The following CSMD1 variants were observed in gnomAD, a reference collection of about 807,000 sequenced individuals.
The protein encoded by CSMD1 is CUB and Sushi multiple domains 1, also known as CUB and sushi domain-containing protein 1.
CSMD1 carries 213 observed loss-of-function variants against 417.5 expected under a neutral mutation model. That is an observed-to-expected ratio of 0.51 (90% confidence interval 0.46 to 0.57). The LOEUF (loss-of-function observed/expected upper bound fraction) is 0.57, where lower values mean the gene tolerates loss of function less well. CSMD1 is among the 20% of genes least tolerant of loss of function. The probability of loss-of-function intolerance (pLI) is 0.00; values close to 1 mark genes in which losing one functional copy is unlikely to be tolerated. For synonymous variants in CSMD1, 2,862 were observed against 1,736.8 expected, an observed-to-expected ratio of 1.65 and a Z score of -16.11; for missense variants, 6,923 against 4,529.7, an observed-to-expected ratio of 1.53 and a Z score of -15.17.
intron 10 of CSMD1, among the ~76,000 whole-genome samples, chr8:3,511,240 G>T (rs889544494): frequency 6.6e-6 from 1 of 151,656 alleles, no homozygotes; most frequent in African/African-American, 2.4e-5. Flanking sequence ...GGGGGTGAGA[G>T]GCTAGGGAAT....
intron 18 of CSMD1, chr8:3,373,625 G>A (rs932108294): frequency 2.0e-5 from 3 of 152,146 alleles, no homozygotes; most frequent in African/African-American, 7.2e-5. Flanking sequence ...GTATTCATAT[G>A]TAGACATGTC....
intron 6 of CSMD1, among the ~76,000 whole-genome samples, chr8:3,750,019 C>A (rs536834392): frequency 5.9e-5 from 9 of 152,046 alleles, no homozygotes; most frequent in African/African-American, 2.2e-4. Context: ...ACCAATAGTG[C>A]AAAAAATATA....
At chr8:4,881,215 G>A (rs7010542) in intron 1 of CSMD1, among the ~76,000 whole-genome samples, 16 of 152,048 alleles carry the variant, frequency 1.1e-4, no homozygotes, top group Non-Finnish European at 2.1e-4. Flanking sequence ...ATTATACATA[G>A]GTCCATTCTA....
chr8:3,093,518 A>G (rs1263906381), intron 47 of CSMD1, among the ~76,000 whole-genome samples: 1 of 152,090 alleles, frequency 6.6e-6, no homozygotes, highest in Non-Finnish European at 1.5e-5. Flanking sequence ...AATACAAAAA[A>G]TTAGCTGGGC....
chr8:3,411,703 T>C (rs1375464430), intron 12 of CSMD1, among the ~76,000 whole-genome samples: 20 of 137,934 alleles, frequency 1.4e-4, no homozygotes, highest in Non-Finnish European at 2.6e-4. Flanking sequence ...CACACGTATA[T>C]ATACACGTAT....
chr8:4,419,552 T>A (rs1797132129), intron 3 of CSMD1, among the ~76,000 whole-genome samples: 1 of 152,162 alleles, frequency 6.6e-6, no homozygotes, highest in Non-Finnish European at 1.5e-5. Context: ...CAACAAAAGT[T>A]CATTTAATGA....
At chr8:2,979,862 G>C (rs535832030) in intron 54 of CSMD1, among the ~76,000 whole-genome samples, 1 of 152,136 alleles carries the variant, frequency 6.6e-6, no homozygotes, top group East Asian at 1.9e-4. Flanking sequence ...TGTGAAGTTC[G>C]GGCAAATAAT....
chr8:3,337,286 G>A (rs749428225), intron 23 of CSMD1, among the ~76,000 whole-genome samples: 7 of 152,104 alleles, frequency 4.6e-5, no homozygotes, highest in Non-Finnish European at 8.8e-5. Flanking sequence ...GAAATAAATT[G>A]CTTTTATTAT....
At chr8:3,102,059 C>T (rs887928232) in intron 46 of CSMD1, among the ~76,000 whole-genome samples, 4 of 152,054 alleles carry the variant, frequency 2.6e-5, no homozygotes, top group African/African-American at 9.7e-5. Context: ...ACCTCGGCCT[C>T]CAAAAGTGCT....
chr8:4,810,155 A>G (rs530177816), intron 1 of CSMD1, among the ~76,000 whole-genome samples: 9 of 152,336 alleles, frequency 5.9e-5, no homozygotes, highest in Non-Finnish European at 8.8e-5. Flanking sequence ...ATATAATTCT[A>G]AAATATTTTA....
At chr8:3,619,224 C>T (rs1321709028) in intron 7 of CSMD1, among the ~76,000 whole-genome samples, 1 of 152,116 alleles carries the variant, frequency 6.6e-6, no homozygotes, top group Non-Finnish European at 1.5e-5. Flanking sequence ...AATGTACACA[C>T]AAACCCAGAC....
At chr8:4,922,357 T>G (rs908595117) in intron 1 of CSMD1, among the ~76,000 whole-genome samples, 1 of 152,216 alleles carries the variant, frequency 6.6e-6, no homozygotes. Flanking sequence ...CTTCTAATTA[T>G]GTATGCTTAT....
chr8:4,394,108 A>G (rs902419482), intron 3 of CSMD1, among the ~76,000 whole-genome samples: 1 of 152,204 alleles, frequency 6.6e-6, no homozygotes, highest in African/African-American at 2.4e-5. Context: ...ACTAACGATT[A>G]ATTTTCCAGA....
At chr8:3,265,169 C>T (rs1008477303) in intron 26 of CSMD1, among the ~76,000 whole-genome samples, 3 of 152,098 alleles carry the variant, frequency 2.0e-5, no homozygotes, top group Non-Finnish European at 4.4e-5. Flanking sequence ...TTTACACTCT[C>T]ACTAGAACCA....
At chr8:3,329,616 G>C (rs183189954) in intron 23 of CSMD1, among the ~76,000 whole-genome samples, 13 of 152,312 alleles carry the variant, frequency 8.5e-5, no homozygotes, top group Admixed American at 7.2e-4. Flanking sequence ...CCCCTTCACA[G>C]GTTGGAGCTC....
chr8:4,291,046 A>G (rs1199866438), intron 3 of CSMD1, among the ~76,000 whole-genome samples: 7 of 152,150 alleles, frequency 4.6e-5, no homozygotes, highest in Admixed American at 6.5e-5. Context: ...CCCTAGTGTA[A>G]AATATTATGG....
chr8:3,180,887 G>A (rs887742289), intron 37 of CSMD1, among the ~76,000 whole-genome samples: 9 of 151,954 alleles, frequency 5.9e-5, no homozygotes, highest in African/African-American at 1.7e-4. Flanking sequence ...CTGGTGATCC[G>A]CCCACCTCTT....
chr8:4,488,114 G>A (rs1042100368), intron 2 of CSMD1, among the ~76,000 whole-genome samples: 3 of 152,168 alleles, frequency 2.0e-5, no homozygotes, highest in Admixed American at 6.5e-5. Context: ...AAATAAGAAA[G>A]CAGGGTCTCC....
At chr8:3,243,348 C>T (rs964792073) in intron 26 of CSMD1, among the ~76,000 whole-genome samples, 8 of 152,144 alleles carry the variant, frequency 5.3e-5, no homozygotes, top group African/African-American at 1.7e-4. Context: ...AAGACACCAC[C>T]AAACAGGCTT....
Sources: allele counts gnomAD v4.1 joint callset (sites outside exome capture counted in the v4.1 genomes callset), GRCh38; gene constraint gnomAD v4.1.1; transcripts MANE v1.5; gene names NCBI Gene and HGNC (gene_info 2026-07-23, HGNC 2026-07-21).